The following CNTN5 variants were observed in gnomAD, a reference collection of about 807,000 sequenced individuals.
CNTN5 encodes contactin 5, also known as contactin-5.
CNTN5 carries 77 observed loss-of-function variants against 129.1 expected under a neutral mutation model. That is an observed-to-expected ratio of 0.60 (90% CI 0.50 to 0.72). The LOEUF (loss-of-function observed/expected upper bound fraction) is 0.72. CNTN5 is among the 30% of genes least tolerant of loss of function. The probability of loss-of-function intolerance (pLI) is 0.00; values close to 1 mark genes in which losing one functional copy is unlikely to be tolerated. For missense variants in CNTN5, 1,478 were observed against 1,328.8 expected (o/e 1.11, Z -1.75); for synonymous variants, 509 against 465.6 (o/e 1.09, Z -1.20).
intron 1 of CNTN5, among the ~76,000 whole-genome samples, chr11:99,053,688 A>G (rs577739008): frequency 6.6e-6 from 1 of 152,108 alleles, no homozygotes; most frequent in East Asian, 1.9e-4. Context: ...ATAGAAGTAA[A>G]ACAGGTCAGA....
At chr11:99,193,724 G>T (rs1043384658) in intron 1 of CNTN5, among the ~76,000 whole-genome samples, 1 of 152,100 alleles carries the variant, frequency 6.6e-6, no homozygotes, top group South Asian at 2.1e-4. Context: ...CCAGGAGACC[G>T]TTTCACAGGC....
At position 99,819,585 on chromosome 11, in the gene CNTN5, G is replaced by T; in HGVS notation, c.97G>T (p.Ala33Ser). Residue 33 changes from alanine to serine, a missense_variant, in exon 4 of 25, where the codon GCT becomes TCT. By Grantham distance (99) the Ala-to-Ser change is moderately conservative (BLOSUM62 1). Coordinates refer to ENST00000524871, the MANE Select transcript of CNTN5 (RefSeq NM_014361.4). The part of the protein sequence containing the change: ...SLPGLSTSYA[A>S]LLRIKKSSSS... ...TCCTGGTCTCTCCACTTCATATGCT[G>T]CTTTGTTAAGAATTAAGAAGAGTTC... The T allele has an allele frequency of 6.2e-7, 1 of 1,612,854 alleles. No homozygotes were observed. Among genetic ancestry groups the T allele is most frequent in the South Asian group, 1.1e-5 (1 of 91,086 alleles).
chr11:99,863,371 G>T (rs916701581), intron 6 of CNTN5, among the ~76,000 whole-genome samples: 3 of 152,044 alleles, frequency 2.0e-5, no homozygotes, highest in Non-Finnish European at 4.4e-5. Context: ...TGCCAGTCAC[G>T]TCAAATTCAG....
At chr11:99,634,167 A>G (rs1426981984) in intron 3 of CNTN5, among the ~76,000 whole-genome samples, 1 of 152,196 alleles carries the variant, frequency 6.6e-6, no homozygotes, top group East Asian at 1.9e-4. Context: ...TGCATGGTTG[A>G]AGAAAAAGTT....
intron 2 of CNTN5, among the ~76,000 whole-genome samples, chr11:99,413,683 A>G (rs559350862): frequency 4.6e-4 from 70 of 152,294 alleles, no homozygotes; most frequent in Non-Finnish European, 7.1e-4. Context: ...ACCAGAAATA[A>G]CAAATCAGTA....
intron 13 of CNTN5, among the ~76,000 whole-genome samples, chr11:100,086,568 A>ATG (rs1944566912): frequency 6.6e-6 from 1 of 151,046 alleles, no homozygotes; most frequent in African/African-American, 2.4e-5. Context: ...GTGTGTGTGT[A>ATG]TATATATATG....
intron 2 of CNTN5, among the ~76,000 whole-genome samples, chr11:99,476,582 A>G (rs1945380172): frequency 6.6e-6 from 1 of 152,128 alleles, no homozygotes; most frequent in Non-Finnish European, 1.5e-5. Flanking sequence ...TATAGAACTT[A>G]GTCTTTAAAG....
rs71050037 is a variant in CNTN5 at position 99,968,656 on chromosome 11, C to CTT, written c.877+11676_877+11677dup. ...ATGGTAATTGGAATAGCTTTGGGTA[C>CTT]TTTTTTTTTTTTTTTTTTTTTTTTT... On this transcript the variant is annotated intron_variant, in intron 8 of 24. Coordinates refer to ENST00000524871, the MANE Select transcript of CNTN5 (RefSeq NM_014361.4). 8.8e-4 allele frequency among the ~76,000 whole-genome samples: 65 copies of CTT among 73,910 alleles called. 6 individuals are homozygous for CTT. Among genetic ancestry groups the CTT allele is most frequent in the East Asian group, 1.1e-3 (2 of 1,832 alleles). The allele number at this position is 73,910 out of a possible 152,430, so 48.5% of individuals were successfully genotyped here. A position where few individuals can be genotyped will look rare whatever the true frequency, so the allele number is the denominator to read the frequency against.
intron 21 of CNTN5, among the ~76,000 whole-genome samples, chr11:100,330,574 CA>C (rs1951886562): frequency 6.6e-6 from 1 of 152,098 alleles, no homozygotes; most frequent in African/African-American, 2.4e-5. Flanking sequence ...AGCTGTGAGG[CA>C]AAAGCATCAG....
At chr11:99,291,847 C>G (rs1237810065) in intron 1 of CNTN5, among the ~76,000 whole-genome samples, 1 of 151,928 alleles carries the variant, frequency 6.6e-6, no homozygotes, top group Non-Finnish European at 1.5e-5. Context: ...ACCATCTGCT[C>G]TGAAGATATA....
chr11:99,534,656 A>G (rs1016933906), intron 2 of CNTN5, among the ~76,000 whole-genome samples: 12 of 152,166 alleles, frequency 7.9e-5, no homozygotes, highest in African/African-American at 2.4e-4. Context: ...TGTTAATTAT[A>G]TATTATTTTA....
intron 21 of CNTN5, among the ~76,000 whole-genome samples, chr11:100,334,468 G>C (rs185550964): frequency 6.6e-6 from 1 of 152,080 alleles, no homozygotes. Context: ...ATACGAAAAA[G>C]ATACTTGCAC....
intron 1 of CNTN5, among the ~76,000 whole-genome samples, chr11:99,088,617 G>A (rs17132953): frequency 0.062 from 9,477 of 152,170 alleles, 809 homozygotes; most frequent in East Asian, 0.34. Flanking sequence ...AGAAACATGA[G>A]AAAAGGTTGC....
At chr11:100,024,565 G>A (rs1941315365) in intron 9 of CNTN5, among the ~76,000 whole-genome samples, 2 of 152,198 alleles carry the variant, frequency 1.3e-5, no homozygotes. Flanking sequence ...ACTTCCCAGA[G>A]ACTTATTGAA....
At chr11:99,365,385 G>T (rs1277524626) in intron 2 of CNTN5, among the ~76,000 whole-genome samples, 1 of 152,142 alleles carries the variant, frequency 6.6e-6, no homozygotes, top group Non-Finnish European at 1.5e-5. Context: ...TTTAGAAAGT[G>T]GTATAGCACA....
intron 1 of CNTN5, among the ~76,000 whole-genome samples, chr11:99,280,230 G>T (rs1374293406): frequency 6.6e-6 from 1 of 151,510 alleles, no homozygotes; most frequent in Admixed American, 6.6e-5. Context: ...GGATGAAGAA[G>T]ATGTACCCTC....
At chr11:99,694,393 A>G (rs1358394910) in intron 3 of CNTN5, among the ~76,000 whole-genome samples, 1 of 152,162 alleles carries the variant, frequency 6.6e-6, no homozygotes, top group Non-Finnish European at 1.5e-5. Flanking sequence ...ACAAAGGCAA[A>G]AATAAGTATC....
chr11:99,036,249 C>G (rs1009459257), intron 1 of CNTN5, among the ~76,000 whole-genome samples: 1 of 151,996 alleles, frequency 6.6e-6, no homozygotes, highest in Non-Finnish European at 1.5e-5. Flanking sequence ...ATTTATAATT[C>G]TTATAACTTG....
intron 9 of CNTN5, among the ~76,000 whole-genome samples, chr11:100,009,963 AGT>A (rs1046726846): frequency 1.5e-4 from 23 of 152,242 alleles, no homozygotes; most frequent in African/African-American, 5.3e-4. Flanking sequence ...AGAAATGATG[AGT>A]GTTGACTTTT....
Sources: allele counts gnomAD v4.1 joint callset (sites outside exome capture counted in the v4.1 genomes callset), GRCh38; gene constraint gnomAD v4.1.1; transcripts MANE v1.5; gene names NCBI Gene and HGNC (gene_info 2026-07-23, HGNC 2026-07-21).